The following TMEM245 variants were observed in gnomAD, a reference collection of about 807,000 sequenced individuals.
The protein encoded by TMEM245 is transmembrane protein 245, also known as protein CG-2.
A neutral mutation model predicts 101.2 loss-of-function variants in TMEM245; 69 were observed. That is an observed-to-expected ratio of 0.68 (90% CI 0.56 to 0.83). The LOEUF (loss-of-function observed/expected upper bound fraction) is 0.83, where lower values mean the gene tolerates loss of function less well. Among genes scored for constraint, TMEM245 ranks in the 40% least tolerant of loss-of-function variants. The pLI is 0.00. For missense variants in TMEM245, 1,075 were observed against 1,092.8 expected (o/e 0.98, Z 0.23); for synonymous variants, 537 against 449.8 (o/e 1.19, Z -2.45).
At chr9:109,021,373 CA>C (rs1301788743) in intron 17 of TMEM245, among the ~76,000 whole-genome samples, 2 of 152,160 alleles carry the variant, frequency 1.3e-5, no homozygotes, top group Non-Finnish European at 2.9e-5. Context: ...GATGTTTATG[CA>C]ACAGTGATAC....
At chr9:109,094,462 C>T (rs942224666) in intron 3 of TMEM245, among the ~76,000 whole-genome samples, 1 of 152,216 alleles carries the variant, frequency 6.6e-6, no homozygotes, top group Admixed American at 6.5e-5. Context: ...AAAGCCAGAG[C>T]TCTTGTATCA....
chr9:109,073,192 G>A, intron 9 of TMEM245, 164 bp downstream of exon 9: 1 of 612,828 alleles, frequency 1.6e-6, no homozygotes, highest in South Asian at 1.9e-5. Context: ...CCCACCCTCT[G>A]TATTACATGA....
At chr9:109,079,755 T>C (rs1383267512) in intron 8 of TMEM245, among the ~76,000 whole-genome samples, 1 of 148,698 alleles carries the variant, frequency 6.7e-6, no homozygotes, top group East Asian at 2.0e-4. Context: ...AAAAGTAGAA[T>C]AGAAGTGTAG....
At chr9:109,098,102 C>T (rs1830188107) in intron 3 of TMEM245, among the ~76,000 whole-genome samples, 1 of 152,110 alleles carries the variant, frequency 6.6e-6, no homozygotes, top group Non-Finnish European at 1.5e-5. Flanking sequence ...TATAGTATAG[C>T]CATCTATCTT....
chr9:109,069,965 T>C (rs1829281414), intron 9 of TMEM245, among the ~76,000 whole-genome samples: 1 of 152,242 alleles, frequency 6.6e-6, no homozygotes, highest in Admixed American at 6.5e-5. Flanking sequence ...TGCAGCAATT[T>C]GACATTGCTG....
chr9:109,028,516 T>C (rs2132292411), intron 17 of TMEM245, among the ~76,000 whole-genome samples: 1 of 152,082 alleles, frequency 6.6e-6, no homozygotes, highest in East Asian at 1.9e-4. Context: ...CATGTTCCCA[T>C]TCAAAAAATT....
intron 10 of TMEM245, among the ~76,000 whole-genome samples, chr9:109,062,926 C>T (rs1588044681): frequency 6.6e-6 from 1 of 151,510 alleles, no homozygotes; most frequent in African/African-American, 2.4e-5. Context: ...GCTGAGATCA[C>T]GCCACTGCAC....
At chr9:109,081,945 C>A (rs558817534) in intron 7 of TMEM245, among the ~76,000 whole-genome samples, 2 of 152,264 alleles carry the variant, frequency 1.3e-5, no homozygotes, top group South Asian at 4.1e-4. Flanking sequence ...TCATGCAAAG[C>A]TACCATCTAA....
intron 14 of TMEM245, among the ~76,000 whole-genome samples, chr9:109,040,148 G>A (rs144976016): frequency 3.3e-4 from 51 of 152,262 alleles, no homozygotes; most frequent in African/African-American, 1.0e-3. Context: ...ATTGTTTGCA[G>A]TTACTAAACA....
chr9:109,036,077 G>T, intron 16 of TMEM245, 129 bp downstream of exon 16: 2 of 569,398 alleles, frequency 3.5e-6, no homozygotes, highest in Non-Finnish European at 5.5e-6. Flanking sequence ...AACACAAAAG[G>T]CTATTTCACT....
chr9:109,066,793 C>T (rs916841782), intron 9 of TMEM245, among the ~76,000 whole-genome samples: 2 of 151,778 alleles, frequency 1.3e-5, no homozygotes, highest in Non-Finnish European at 2.9e-5. Context: ...TGGTGGCTCA[C>T]GCCTGTAATC....
chr9:109,029,253 A>C (rs1381576443), intron 17 of TMEM245, among the ~76,000 whole-genome samples: 2 of 152,220 alleles, frequency 1.3e-5, no homozygotes, highest in Non-Finnish European at 2.9e-5. Context: ...AAATAAAATA[A>C]ATTTCTGAAA....
In TMEM245 at chr9:109,032,451, C is replaced by T. The variant is rs540439364; in HGVS notation, c.2594+856G>A. Among the ~76,000 whole-genome samples, 24 of 126,714 alleles carry T rather than the reference C, an allele frequency of 1.9e-4. No homozygotes were observed. The South Asian group carries it at 2.8e-3, about 15-fold the overall frequency. 83.1% of individuals were successfully genotyped at this position (126,714 alleles called of 152,430 possible). ...CCAGGCTGGAATCCAATGGCATGAT[C>T]TCGGATCACTGCAACCTCCACCTCC... On this transcript the variant is annotated intron_variant, in intron 17 of 17. Transcript: ENST00000374586.
intron 9 of TMEM245, among the ~76,000 whole-genome samples, chr9:109,065,687 T>G (rs761624050): frequency 6.6e-6 from 1 of 152,164 alleles, no homozygotes; most frequent in Non-Finnish European, 1.5e-5. Flanking sequence ...AGAGAAAATA[T>G]GTTCACGTAT....
intron 17 of TMEM245, among the ~76,000 whole-genome samples, chr9:109,023,664 C>A (rs1219071732): frequency 6.6e-6 from 1 of 151,956 alleles, no homozygotes; most frequent in Admixed American, 6.6e-5. Flanking sequence ...GAAACCCCGT[C>A]CCCACTAAAA....
At chr9:109,114,954 G>T (rs183950372) in intron 1 of TMEM245, among the ~76,000 whole-genome samples, 3 of 152,132 alleles carry the variant, frequency 2.0e-5, no homozygotes, top group Non-Finnish European at 2.9e-5. Flanking sequence ...AATGATTAGT[G>T]TTTCACTTGT....
chr9:109,087,029 A>G, intron 6 of TMEM245, 144 bp downstream of exon 6: 1 of 721,374 alleles, frequency 1.4e-6, no homozygotes, highest in Non-Finnish European at 2.1e-6. Context: ...GTAAACCATA[A>G]TTTTAAACAT....
At chr9:109,070,191 A>T (rs72607169) in intron 9 of TMEM245, among the ~76,000 whole-genome samples, 33,591 of 152,090 alleles carry the variant, frequency 0.22, 4,539 homozygotes, top group Admixed American at 0.3. Flanking sequence ...CAGACCTCTC[A>T]TCTGATTCCT....
chr9:109,112,554 A>G (rs892701518), intron 1 of TMEM245, among the ~76,000 whole-genome samples: 10 of 151,860 alleles, frequency 6.6e-5, no homozygotes, highest in Non-Finnish European at 1.3e-4. Flanking sequence ...AAAAAAAAAA[A>G]AGAAAGACGT....
Sources: gnomAD v4.1 joint callset for allele counts (sites outside exome capture counted in the v4.1 genomes callset) on GRCh38, gnomAD v4.1.1 for gene constraint, MANE v1.5 for transcripts, NCBI Gene and HGNC (gene_info 2026-07-23, HGNC 2026-07-21) for gene names.